PTPRG: variants seen among roughly 807,000 people sequenced by gnomAD.
PTPRG encodes the protein protein tyrosine phosphatase receptor type G.
In PTPRG, 102 loss-of-function variants were observed where a neutral mutation model predicts 165.3. That is an observed-to-expected ratio of 0.62 (90% CI 0.53 to 0.73). The LOEUF is 0.73. Among genes scored for constraint, PTPRG ranks in the 30% least tolerant of loss-of-function variants. The pLI is 0.00. For synonymous variants in PTPRG, 675 were observed against 669.5 expected (o/e 1.01, Z -0.13); for missense variants, 1,866 against 1,861.4 (o/e 1.00, Z -0.05).
chr3:61,874,982 A>G (rs928295566), intron 2 of PTPRG, among the ~76,000 whole-genome samples: 3 of 152,224 alleles, frequency 2.0e-5, no homozygotes, highest in African/African-American at 7.2e-5. Flanking sequence ...CGTAGTCTAC[A>G]ACTCCATCAG....
At chr3:61,880,358 A>G (rs376727560) in intron 2 of PTPRG, among the ~76,000 whole-genome samples, 8 of 152,306 alleles carry the variant, frequency 5.3e-5, no homozygotes, top group South Asian at 4.1e-4. Flanking sequence ...GCCGCACACA[A>G]TGGCTCATCC....
chr3:61,944,722 A>G (rs1465182963), intron 2 of PTPRG, among the ~76,000 whole-genome samples: 2 of 152,200 alleles, frequency 1.3e-5, no homozygotes, highest in East Asian at 1.9e-4. Context: ...AATATAGTCT[A>G]TCCCACTGGA....
Position 61,966,854 on chromosome 3 carries a change from A to T in PTPRG, c.191-22771A>T, listed in dbSNP as rs180976901. Reference sequence around the variant, plus strand: ...CACTTTGTTTCTGCTTAGCTTGTACATTTATTAAGGCCACTTTGTTTTTGC... The same window carrying T: ...CACTTTGTTTCTGCTTAGCTTGTACTTTTATTAAGGCCACTTTGTTTTTGC... On this transcript the variant is annotated intron_variant, in intron 2 of 29. Transcript: ENST00000474889. Among the ~76,000 whole-genome samples the T allele has an allele frequency of 8.6e-5, 13 of 151,954 alleles. No individual in the cohort carries two copies. The East Asian group carries it at 2.5e-3, about 29-fold the overall frequency.
chr3:62,200,117 G>T (rs983298256), intron 10 of PTPRG, among the ~76,000 whole-genome samples: 2 of 152,148 alleles, frequency 1.3e-5, no homozygotes, highest in African/African-American at 2.4e-5. Flanking sequence ...GTTCTTCAAT[G>T]CGTGTAGAGT....
chr3:62,264,185 G>A (rs1483622159), intron 17 of PTPRG: 1 of 152,176 alleles, frequency 6.6e-6, no homozygotes. Flanking sequence ...GGGATGTGGT[G>A]GCATGCGCCT....
chr3:62,264,488 C>T (rs1220796117), intron 17 of PTPRG, among the ~76,000 whole-genome samples: 1 of 152,078 alleles, frequency 6.6e-6, no homozygotes, highest in Admixed American at 6.5e-5. Context: ...CTGTATCTAC[C>T]TTCTGTCTCT....
chr3:62,110,089 C>CTTTTT lies in PTPRG; in HGVS notation c.616-22494_616-22490dup, dbSNP rs371457716. Among the ~76,000 whole-genome samples, 253 of 79,948 alleles carry CTTTTT rather than the reference C, an allele frequency of 3.2e-3. 2 individuals carry two copies. The highest frequency in any genetic ancestry group is 4.1e-3 in the East Asian group (10 of 2,432). 52.4% of individuals were successfully genotyped at this position (79,948 alleles called of 152,430 possible). A position where few individuals can be genotyped will look rare whatever the true frequency, so the allele number is the denominator to read the frequency against. The stretch of plus-strand genomic sequence containing the variant: ...TCTCTCTCTATTCTAGAAATAATGG[C>CTTTTT]TTTTTTTTTTTTTTTTTTTTTTTGC... On this transcript the variant is annotated intron_variant, in intron 5 of 29. Coordinates refer to ENST00000474889, the MANE Select transcript of PTPRG (RefSeq NM_002841.4).
At chr3:61,634,588 A>T (rs1359459835) in intron 1 of PTPRG, among the ~76,000 whole-genome samples, 1 of 151,820 alleles carries the variant, frequency 6.6e-6, no homozygotes, top group East Asian at 1.9e-4. Context: ...GGATTTTATC[A>T]AATGCTTTTT....
chr3:61,606,523 G>A lies in PTPRG; in HGVS notation c.85+44151G>A, dbSNP rs115937397. ...AGCTATATACAGAGCTTATTTCTAA[G>A]GAGAGAAGTTCTTCTGGTGTCCCAA... On this transcript the variant is annotated intron_variant, in intron 1 of 29. Coordinates refer to ENST00000474889, the MANE Select transcript of PTPRG (RefSeq NM_002841.4). Among the ~76,000 whole-genome samples the A allele has an allele frequency of 3.9e-3, 592 of 152,338 alleles. 3 individuals are homozygous for A. Among genetic ancestry groups the A allele is most frequent in the African/African-American group, 0.013 (556 of 41,568 alleles).
chr3:62,296,680 A>C lies in PTPRG; in HGVS notation c.*3373A>C, dbSNP rs890721417. ...TTTTTTTTTTAACAGATGTAATTTCACTTAACCCTTTGCGCTTTCCCTTAG... is the reference window on the plus strand; with the variant it reads ...TTTTTTTTTTAACAGATGTAATTTCCCTTAACCCTTTGCGCTTTCCCTTAG... On this transcript the variant is annotated 3_prime_UTR_variant, in exon 30 of 30. Coordinates refer to ENST00000474889, the MANE Select transcript of PTPRG (RefSeq NM_002841.4). The C allele has an allele frequency of 6.7e-6, 1 of 149,944 alleles. No individual in the cohort carries two copies. The highest frequency in any genetic ancestry group is 1.5e-5 in the Non-Finnish European group (1 of 67,570). 9.3% of individuals were successfully genotyped at this position (149,944 alleles called of 1,614,324 possible). A position where few individuals can be genotyped will look rare whatever the true frequency, so the allele number is the denominator to read the frequency against.
chr3:61,695,721 T>C (rs970956324), intron 1 of PTPRG, among the ~76,000 whole-genome samples: 1 of 152,240 alleles, frequency 6.6e-6, no homozygotes, highest in African/African-American at 2.4e-5. Context: ...ACAGCTAGTA[T>C]GACATGTTCC....
intron 2 of PTPRG, among the ~76,000 whole-genome samples, chr3:61,872,316 A>G (rs540464798): frequency 6.6e-6 from 1 of 152,158 alleles, no homozygotes. Flanking sequence ...ACACCTGTGA[A>G]TAGTCACTTC....
intron 2 of PTPRG, among the ~76,000 whole-genome samples, chr3:61,843,390 A>G (rs2036709135): frequency 6.6e-6 from 1 of 152,188 alleles, no homozygotes; most frequent in South Asian, 2.1e-4. Context: ...ATACACACGG[A>G]TCATAGAAAC....
intron 2 of PTPRG, among the ~76,000 whole-genome samples, chr3:61,863,961 T>C (rs1429602368): frequency 6.6e-6 from 1 of 152,192 alleles, no homozygotes; most frequent in Non-Finnish European, 1.5e-5. Flanking sequence ...GTTAAGTTCA[T>C]GCTGGTTGAG....
chr3:62,031,563 C>T (rs9817081), intron 4 of PTPRG, among the ~76,000 whole-genome samples: 36,458 of 152,024 alleles, frequency 0.24, 4,717 homozygotes, highest in Middle Eastern at 0.38. Context: ...AAGGAAGTAG[C>T]GCAGTGAGCT....
chr3:61,859,210 A>G (rs1461882083), intron 2 of PTPRG, among the ~76,000 whole-genome samples: 3 of 152,200 alleles, frequency 2.0e-5, no homozygotes, highest in Non-Finnish European at 2.9e-5. Flanking sequence ...GGGGTTCTTT[A>G]TAATGAGAAT....
intron 4 of PTPRG, among the ~76,000 whole-genome samples, chr3:62,017,748 G>A (rs540004760): frequency 3.9e-5 from 6 of 152,272 alleles, no homozygotes; most frequent in African/African-American, 9.6e-5. Flanking sequence ...TTTAAGGTCT[G>A]TTCTTCCAGA....
intron 2 of PTPRG, among the ~76,000 whole-genome samples, chr3:61,875,617 C>T (rs1275743595): frequency 6.6e-6 from 1 of 152,020 alleles, no homozygotes; most frequent in African/African-American, 2.4e-5. Context: ...TGGAGTCATG[C>T]CTCAGCTATA....
At chr3:61,744,047 CAA>C (rs761277336) in intron 1 of PTPRG, among the ~76,000 whole-genome samples, 23 of 152,144 alleles carry the variant, frequency 1.5e-4, no homozygotes, top group Non-Finnish European at 2.9e-4. Flanking sequence ...TAGAAGAGTA[CAA>C]AGAGTATTAA....
Sources: gnomAD v4.1 joint callset for allele counts (sites outside exome capture counted in the v4.1 genomes callset) on GRCh38, gnomAD v4.1.1 for gene constraint, MANE v1.5 for transcripts, NCBI Gene and HGNC (gene_info 2026-07-23, HGNC 2026-07-21) for gene names.